RBFOX1: variants seen among roughly 807,000 people sequenced by gnomAD.
RBFOX1 encodes the protein RNA binding fox-1 homolog 1.
In RBFOX1, 8 loss-of-function variants were observed where a neutral mutation model predicts 57.7. The observed-to-expected ratio is 0.14, with a 90% CI of 0.08 to 0.25. RBFOX1 has a LOEUF of 0.25. Ranked by LOEUF, RBFOX1 falls within the 10% of genes least tolerant of loss-of-function variation. RBFOX1 has a pLI of 1.00. For missense variants in RBFOX1, 611 were observed against 548.5 expected, an observed-to-expected ratio of 1.11 and a Z score of -1.14; for synonymous variants, 326 against 222.4, an observed-to-expected ratio of 1.47 and a Z score of -4.15.
chr16:6,642,994 A>G (rs1227965918), intron 2 of RBFOX1, among the ~76,000 whole-genome samples: 1 of 152,180 alleles, frequency 6.6e-6, no homozygotes, highest in Non-Finnish European at 1.5e-5. Flanking sequence ...TCATCTTCAT[A>G]TTTAGGTTGA....
intron 1 of RBFOX1, among the ~76,000 whole-genome samples, chr16:5,325,271 A>G (rs779979840): frequency 7.3e-5 from 11 of 151,596 alleles, no homozygotes; most frequent in African/African-American, 2.4e-5. Context: ...ACTACTTGTA[A>G]TAGCTGCAGG....
At chr16:7,213,638 G>C (rs1055088130) in intron 4 of RBFOX1, among the ~76,000 whole-genome samples, 8 of 152,034 alleles carry the variant, frequency 5.3e-5, no homozygotes, top group African/African-American at 1.7e-4. Context: ...AACTGAAGTG[G>C]ATCTTGAGAT....
intron 2 of RBFOX1, among the ~76,000 whole-genome samples, chr16:6,496,835 C>G (rs1041119037): frequency 6.6e-6 from 1 of 152,104 alleles, no homozygotes; most frequent in African/African-American, 2.4e-5. Context: ...TGGCGGGTGC[C>G]TGTAATCCCA....
intron 4 of RBFOX1, among the ~76,000 whole-genome samples, chr16:5,985,648 C>T (rs528132161): frequency 6.6e-6 from 1 of 152,286 alleles, no homozygotes; most frequent in East Asian, 1.9e-4. Context: ...CTGGGACATT[C>T]CTAGTAGTAC....
At chr16:5,517,748 C>G (rs1258097140) in intron 2 of RBFOX1, among the ~76,000 whole-genome samples, 1 of 152,182 alleles carries the variant, frequency 6.6e-6, no homozygotes, top group Non-Finnish European at 1.5e-5. Flanking sequence ...TTTACTTTCA[C>G]TTCACATTGT....
chr16:5,600,508 A>G (rs1327879147), downstream of RBFOX1, among the ~76,000 whole-genome samples: 1 of 136,112 alleles, frequency 7.3e-6, no homozygotes, highest in Non-Finnish European at 1.6e-5. Flanking sequence ...AAAAAAAAAA[A>G]AGTCTGCTTG....
intron 3 of RBFOX1, chr16:6,704,075 G>C (rs2062296835): frequency 1.3e-5 from 2 of 152,322 alleles, no homozygotes; most frequent in African/African-American, 2.4e-5. Context: ...AGTTGAGGGA[G>C]TCTATACTGC....
chr16:5,366,311 A>G, intron 1 of RBFOX1: 2 of 360,094 alleles, frequency 5.6e-6, no homozygotes, highest in South Asian at 4.7e-5. Flanking sequence ...ATGATGATGA[A>G]GATGATGATG....
At chr16:6,594,502 T>G (rs772369482) in intron 2 of RBFOX1, among the ~76,000 whole-genome samples, 2 of 152,144 alleles carry the variant, frequency 1.3e-5, no homozygotes, top group Non-Finnish European at 2.9e-5. Context: ...TCTCACAGAT[T>G]GTTGACATGT....
chr16:5,815,238 C>T (rs2055590414), intron 3 of RBFOX1, among the ~76,000 whole-genome samples: 1 of 147,094 alleles, frequency 6.8e-6, no homozygotes, highest in South Asian at 2.1e-4. Context: ...AAGTAATCCT[C>T]CTGTCTCAGC....
intron 4 of RBFOX1, among the ~76,000 whole-genome samples, chr16:7,280,174 A>T (rs1209796527): frequency 6.6e-6 from 1 of 152,212 alleles, no homozygotes; most frequent in Non-Finnish European, 1.5e-5. Flanking sequence ...GGAAAACACG[A>T]TGTACACCTT....
At chr16:5,958,218 TA>T (rs2059684539) in intron 4 of RBFOX1, among the ~76,000 whole-genome samples, 1 of 152,240 alleles carries the variant, frequency 6.6e-6, no homozygotes, top group South Asian at 2.1e-4. Context: ...AATGTTTTAC[TA>T]AAACAGAGCT....
Position 7,070,278 on chromosome 16 carries a change from C to T in RBFOX1, c.27+18180C>T, listed in dbSNP as rs146067072. Among the ~76,000 whole-genome samples the T allele has an allele frequency of 4.2e-3, 637 of 152,286 alleles. 5 individuals are homozygous for T. The highest frequency in any genetic ancestry group is 0.017 in the Middle Eastern group (5 of 294). ...CCACATTCCACTCATTTATACTTGC[C>T]TCAGTGTGGTTTCTTATTTGCAGGT... On this transcript the variant is annotated intron_variant, in intron 4 of 15. Transcript: ENST00000550418.
At chr16:6,001,824 A>T (rs990796775) in intron 4 of RBFOX1, among the ~76,000 whole-genome samples, 1 of 152,168 alleles carries the variant, frequency 6.6e-6, no homozygotes, top group African/African-American at 2.4e-5. Flanking sequence ...AAACACTGCA[A>T]TAAGCCAAAC....
At position 7,499,445 on chromosome 16, in the gene RBFOX1, G is replaced by A. The variant is rs189036335; in HGVS notation, c.28-18702G>A. Among the ~76,000 whole-genome samples the A allele has an allele frequency of 4.2e-3, 643 of 152,050 alleles. 2 individuals are homozygous for A. Among genetic ancestry groups the A allele is most frequent in the Middle Eastern group, 0.02 (6 of 294 alleles). On this transcript the variant is annotated intron_variant, in intron 4 of 15. Transcript: ENST00000550418. ...GATTAGGTTACATTCTGAGATACTG[G>A]GAGCTGGGACTTTAGTATTGGAATT...
At chr16:6,253,679 G>GTC (rs143847348) in intron 1 of RBFOX1, among the ~76,000 whole-genome samples, 21,875 of 51,604 alleles carry the variant, frequency 0.42, 2,473 homozygotes, top group South Asian at 0.54. Flanking sequence ...GTGTGCATGT[G>GTC]TGTGTGTGTG....
intron 4 of RBFOX1, among the ~76,000 whole-genome samples, chr16:7,503,398 C>T (rs1301758338): frequency 6.6e-6 from 1 of 152,176 alleles, no homozygotes; most frequent in African/African-American, 2.4e-5. Context: ...GCAGAGAATA[C>T]TCTGGACAGC....
At chr16:6,257,431 T>A (rs577197142) in intron 1 of RBFOX1, among the ~76,000 whole-genome samples, 46 of 152,180 alleles carry the variant, frequency 3.0e-4, no homozygotes, top group African/African-American at 7.7e-4. Context: ...TCTTTTTTTT[T>A]AAACTTTTAA....
chr16:6,744,092 A>G (rs1328236459), intron 3 of RBFOX1, among the ~76,000 whole-genome samples: 1 of 152,154 alleles, frequency 6.6e-6, no homozygotes, highest in Non-Finnish European at 1.5e-5. Flanking sequence ...AAGTAACTAT[A>G]CTGATATCAC....
Sources: allele counts gnomAD v4.1 joint callset (sites outside exome capture counted in the v4.1 genomes callset), GRCh38; gene constraint gnomAD v4.1.1; transcripts MANE v1.5; gene names NCBI Gene and HGNC (gene_info 2026-07-23, HGNC 2026-07-21).